Variants in EYS observed in about 807,000 individuals in gnomAD.
EYS encodes the protein protein eyes shut homolog.
EYS carries 250 observed loss-of-function variants against 282.1 expected under a neutral mutation model. That is an observed-to-expected ratio of 0.89 (90% CI 0.80 to 0.98). The LOEUF is 0.98. EYS is among the 50% of genes least tolerant of loss of function. The probability of loss-of-function intolerance (pLI) is 0.00; values close to 1 mark genes in which losing one functional copy is unlikely to be tolerated. For missense variants in EYS, 4,016 were observed against 3,709.0 expected, an observed-to-expected ratio of 1.08 and a Z score of -2.15; for synonymous variants, 1,355 against 1,282.9, an observed-to-expected ratio of 1.06 and a Z score of -1.20.
intron 26 of EYS, among the ~76,000 whole-genome samples, chr6:64,511,376 A>G (rs115439829): frequency 0.017 from 2,634 of 151,786 alleles, 26 homozygotes; most frequent in Middle Eastern, 0.075. Context: ...TTCCTTACTT[A>G]TCTGTTAATA....
chr6:64,926,151 T>G (rs2150084428), intron 15 of EYS, among the ~76,000 whole-genome samples: 1 of 152,208 alleles, frequency 6.6e-6, no homozygotes, highest in African/African-American at 2.4e-5. Flanking sequence ...CCACAAAACT[T>G]TCTGCTGGGG....
intron 5 of EYS, among the ~76,000 whole-genome samples, chr6:65,427,358 T>C (rs1490228236): frequency 6.6e-6 from 1 of 152,036 alleles, no homozygotes; most frequent in Non-Finnish European, 1.5e-5. Context: ...ATATGCTATT[T>C]CCCTCAATGC....
intron 22 of EYS, among the ~76,000 whole-genome samples, chr6:64,784,816 A>G (rs1773968702): frequency 6.6e-6 from 1 of 152,036 alleles, no homozygotes; most frequent in Non-Finnish European, 1.5e-5. Context: ...TTCTCTTAAT[A>G]TCAGTATTGC....
chr6:64,790,673 A>G (rs1003553955), intron 22 of EYS, among the ~76,000 whole-genome samples: 17 of 151,872 alleles, frequency 1.1e-4, no homozygotes, highest in African/African-American at 3.4e-4. Flanking sequence ...TTAAGGCCAA[A>G]TGTAGACAAA....
chr6:64,760,589 A>G (rs947879325), intron 22 of EYS, among the ~76,000 whole-genome samples: 1 of 152,212 alleles, frequency 6.6e-6, no homozygotes, highest in South Asian at 2.1e-4. Context: ...TATCATGGCC[A>G]TGGCAAAGAA....
At chr6:65,070,851 T>A (rs572178434) in intron 12 of EYS, among the ~76,000 whole-genome samples, 1 of 152,034 alleles carries the variant, frequency 6.6e-6, no homozygotes, top group South Asian at 2.1e-4. Flanking sequence ...TTTAATACTC[T>A]ATGCCCGGCA....
chr6:65,434,096 CAG>C (rs1767976351), intron 5 of EYS, among the ~76,000 whole-genome samples: 1 of 152,094 alleles, frequency 6.6e-6, no homozygotes, highest in South Asian at 2.1e-4. Context: ...TTTAAAAAGG[CAG>C]AGTGATTGGA....
At chr6:65,504,683 A>G (rs994452837) in intron 2 of EYS, among the ~76,000 whole-genome samples, 1 of 151,652 alleles carries the variant, frequency 6.6e-6, no homozygotes, top group South Asian at 2.1e-4. Context: ...GAGTATCGAT[A>G]TGGTAGATTA....
At chr6:64,452,947 G>A (rs914682240) in intron 26 of EYS, among the ~76,000 whole-genome samples, 4 of 152,170 alleles carry the variant, frequency 2.6e-5, no homozygotes. Flanking sequence ...ACATAGGCAT[G>A]GGCAAGGACT....
intron 14 of EYS, among the ~76,000 whole-genome samples, chr6:64,994,160 A>C (rs917226124): frequency 6.6e-6 from 1 of 152,050 alleles, no homozygotes; most frequent in Non-Finnish European, 1.5e-5. Context: ...TACTATACAC[A>C]TTCTTAACAT....
intron 28 of EYS, chr6:64,412,771 CAT>C (rs1399739339): frequency 4.6e-5 from 7 of 152,036 alleles, no homozygotes; most frequent in African/African-American, 1.2e-4. Flanking sequence ...AAGAATCAGA[CAT>C]GTGCAATTAT....
chr6:65,070,206 C>T (rs1022153832), intron 12 of EYS, among the ~76,000 whole-genome samples: 7 of 151,956 alleles, frequency 4.6e-5, no homozygotes, highest in African/African-American at 9.7e-5. Flanking sequence ...GTCTTATCTA[C>T]GTGCTAATTC....
At chr6:64,077,029 ATT>A (rs764220858) in intron 32 of EYS, among the ~76,000 whole-genome samples, 32 of 152,052 alleles carry the variant, frequency 2.1e-4, no homozygotes, top group Middle Eastern at 3.4e-3. Flanking sequence ...AATTTGTTGA[ATT>A]TGTCTTTGCT....
At chr6:65,657,331 G>A (rs557872960) in intron 1 of EYS, among the ~76,000 whole-genome samples, 6 of 151,888 alleles carry the variant, frequency 4.0e-5, no homozygotes, top group East Asian at 3.9e-4. Context: ...GCCGTAGATC[G>A]TGATTTCTCT....
intron 26 of EYS, among the ~76,000 whole-genome samples, chr6:64,476,029 G>T (rs141413599): frequency 6.6e-6 from 1 of 152,074 alleles, no homozygotes; most frequent in African/African-American, 2.4e-5. Flanking sequence ...GGCCTCGAGC[G>T]ATCTTCCTCC....
intron 14 of EYS, among the ~76,000 whole-genome samples, chr6:64,956,711 T>C (rs1191895118): frequency 6.6e-6 from 1 of 152,110 alleles, no homozygotes; most frequent in Non-Finnish European, 1.5e-5. Context: ...AACCAGAATA[T>C]ATAAGGATCT....
chr6:64,649,545 G>A (rs1182921828), intron 22 of EYS, among the ~76,000 whole-genome samples: 1 of 151,972 alleles, frequency 6.6e-6, no homozygotes, highest in Non-Finnish European at 1.5e-5. Context: ...TCACAATGTT[G>A]GTCAGGATGG....
intron 12 of EYS, among the ~76,000 whole-genome samples, chr6:65,149,500 C>T (rs1301482650): frequency 6.6e-6 from 1 of 152,032 alleles, no homozygotes; most frequent in African/African-American, 2.4e-5. Context: ...CCAAACTTTT[C>T]CACAAGTTTC....
chr6:64,563,102 G>A (rs2149812910), intron 26 of EYS, among the ~76,000 whole-genome samples: 1 of 152,026 alleles, frequency 6.6e-6, no homozygotes, highest in East Asian at 1.9e-4. Context: ...ATTGAAGTAG[G>A]TACTTAGTTT....
Sources: gnomAD v4.1 joint callset for allele counts (sites outside exome capture counted in the v4.1 genomes callset) on GRCh38, gnomAD v4.1.1 for gene constraint, MANE v1.5 for transcripts, NCBI Gene and HGNC (gene_info 2026-07-23, HGNC 2026-07-21) for gene names.